HUWE1: variants seen among roughly 807,000 people sequenced by gnomAD.
HUWE1 encodes the protein HECT, UBA and WWE domain containing E3 ubiquitin protein ligase 1.
A neutral mutation model predicts 299.4 loss-of-function variants in HUWE1; 18 were observed. The ratio of observed to expected loss-of-function variants is 0.06; its 90% CI spans 0.04 to 0.09. HUWE1 has a LOEUF of 0.09. Among genes scored for constraint, HUWE1 ranks in the 10% least tolerant of loss-of-function variants. HUWE1 has a pLI of 1.00. For missense variants in HUWE1, 1,832 were observed against 3,462.3 expected, an observed-to-expected ratio of 0.53 and a Z score of 11.82; for synonymous variants, 1,317 against 1,286.1, an observed-to-expected ratio of 1.02 and a Z score of -0.51.
Position 53,607,704 on chromosome X carries a change from G to A in HUWE1, c.2320-5C>T. 3.2e-5 allele frequency: 38 copies of A among 1,177,867 alleles called. No homozygotes were observed. Among genetic ancestry groups the A allele is most frequent in the Non-Finnish European group, 4.4e-5 (38 of 867,652 alleles). On this transcript the variant is annotated splice_region_variant and splice_polypyrimidine_tract_variant and intron_variant, in intron 24 of 83. Transcript: ENST00000262854. ...AATAGATTCCACAAATTTCATCTAG[G>A]TAATAAAAATTTTTTAAAGAAGTTA...
At chrX:53,545,225 ATCTC>A in intron 70 of HUWE1, 64 bp from the exon 71 acceptor site, 2 of 1,096,562 alleles carry the variant, frequency 1.8e-6, no homozygotes, top group African/African-American at 3.6e-5. Flanking sequence ...TAAAAGCCAA[ATCTC>A]TCTAAGACAC....
chrX:53,596,841 G>C (rs1275013286), intron 29 of HUWE1, among the ~76,000 whole-genome samples: 1 of 112,430 alleles, frequency 8.9e-6, no homozygotes, highest in Non-Finnish European at 1.9e-5. Flanking sequence ...TGAATTATTT[G>C]ATATGGATTG....
Position 53,549,328 on chromosome X carries a change from G to A in HUWE1, c.9666C>T (p.Val3222=). The stretch of plus-strand genomic sequence containing the variant: ...GCAAGATGGAGAGCAGACTGCGGAT[G>A]ACCCAGTGGCGGGTCTGGGCATGGT... ...LCYHAQTRHW[V]IRSLLSILQR... Residue 3222 remains valine (V), a synonymous_variant, in exon 67 of 84, where the codon GTC becomes GTT. Coordinates refer to ENST00000262854, the MANE Select transcript of HUWE1 (RefSeq NM_031407.7). 8.3e-7 allele frequency: 1 copy of A among 1,211,993 alleles called. No homozygotes were observed. The highest frequency in any genetic ancestry group is 1.1e-6 in the Non-Finnish European group (1 of 895,431).
intron 49 of HUWE1, among the ~76,000 whole-genome samples, chrX:53,566,412 T>C (rs1480439485): frequency 1.9e-5 from 2 of 107,387 alleles, no homozygotes; most frequent in Non-Finnish European, 3.8e-5. Flanking sequence ...AGCAACATAG[T>C]GAGATCCTGT....
At position 53,585,172 on chromosome X, in the gene HUWE1, C is replaced by A; in HGVS notation, c.4841G>T (p.Ser1614Ile). Residue 1614 changes from serine (S) to isoleucine (I), a missense_variant, in exon 40 of 84, where the codon AGC becomes ATC. Ser to Ile is a moderately radical substitution (Grantham distance 142, BLOSUM62 -2). Around this residue, in one of 15 missense-constraint regions of HUWE1, gnomAD observed 658 missense variants for 1,282.6 expected, o/e 0.51. Transcript: ENST00000262854. ...AQMTKYLQSN[S>I]NNWRWFDDRS... ...ATCATCAAACCAGCGCCAGTTGTTGCTGTTGGATTGCAGGTACTAAACATA... is the reference window on the plus strand; with the variant it reads ...ATCATCAAACCAGCGCCAGTTGTTGATGTTGGATTGCAGGTACTAAACATA... 8 of 1,211,886 alleles carry A rather than the reference C, an allele frequency of 6.6e-6. No homozygotes were observed. Among genetic ancestry groups the A allele is most frequent in the South Asian group, 1.8e-5 (1 of 57,018 alleles).
intron 55 of HUWE1, among the ~76,000 whole-genome samples, chrX:53,561,338 T>C (rs1172303490): frequency 1.8e-5 from 2 of 112,178 alleles, no homozygotes; most frequent in African/African-American, 6.5e-5. Context: ...ATAGAGTGAG[T>C]ATGTTCAAAT....
chrX:53,551,529 T>C, intron 63 of HUWE1, 49 bp from the exon 64 acceptor site: 1 of 1,072,390 alleles, frequency 9.3e-7, no homozygotes. Flanking sequence ...ATTAATTGCT[T>C]GAGACGGGGT....
At chrX:53,680,001 C>T (rs1158831694) in intron 3 of HUWE1, 48 bp downstream of exon 3, 2 of 295,086 alleles carry the variant, frequency 6.8e-6, no homozygotes, top group African/African-American at 5.5e-5. Flanking sequence ...TATCTCCATT[C>T]CAGGAAGTAA....
At position 53,554,698 on chromosome X, in the gene HUWE1, C is replaced by A. The variant is rs1354604374; in HGVS notation, c.8429G>T (p.Gly2810Val). The part of the protein sequence containing the change: ...LLMPVEPEEL[G>V]PTRPSGEAET... Reference sequence around the variant, plus strand: ...TGCTTCCCCACTTGGCCTTGTGGGACCCAATTCCTCTGGCTCTACAGGCAT... The same window carrying A: ...TGCTTCCCCACTTGGCCTTGTGGGAACCAATTCCTCTGGCTCTACAGGCAT... Residue 2810 changes from glycine (G) to valine (V), a missense_variant, in exon 61 of 84, where the codon GGT (glycine) becomes GTT (valine). Coordinates refer to ENST00000262854, the MANE Select transcript of HUWE1 (RefSeq NM_031407.7). 10 of 1,208,997 alleles carry A rather than the reference C, an allele frequency of 8.3e-6. No homozygotes were observed. Among genetic ancestry groups the A allele is most frequent in the Non-Finnish European group, 1.1e-5 (10 of 894,768 alleles).
At position 53,552,607 on chromosome X, in the gene HUWE1, T is replaced by G. The variant is rs201400423; in HGVS notation, c.8750+31A>C. The stretch of plus-strand genomic sequence containing the variant: ...GTGCTTTGAAAGACCCTCCAATATA[T>G]CCTACCCTTCTTTTGCCCACACATG... On this transcript the variant is annotated intron_variant, in intron 62 of 83. Coordinates refer to ENST00000262854, the MANE Select transcript of HUWE1 (RefSeq NM_031407.7). The G allele has an allele frequency of 7.9e-5, 96 of 1,210,153 alleles. No individual in the cohort carries two copies. The African/African-American group carries it at 1.5e-3, about 18-fold the overall frequency.
chrX:53,567,953 A>G (rs2062646738), intron 49 of HUWE1, among the ~76,000 whole-genome samples: 1 of 112,180 alleles, frequency 8.9e-6, no homozygotes, highest in Non-Finnish European at 1.9e-5. Context: ...AGAAAATATC[A>G]GGAAGTAAAG....
intron 6 of HUWE1, among the ~76,000 whole-genome samples, chrX:53,645,702 G>T (rs2067931549): frequency 2.6e-5 from 2 of 76,360 alleles, no homozygotes; most frequent in African/African-American, 5.2e-5. Flanking sequence ...AACAGAGGGA[G>T]ACTCTGTCTC....
At chrX:53,584,418 T>G in intron 40 of HUWE1, 73 bp from the exon 41 acceptor site, 10 of 867,386 alleles carry the variant, frequency 1.2e-5, no homozygotes, top group Non-Finnish European at 8.3e-6. Context: ...GGGAGGGACA[T>G]CTCCCAGGTA....
At chrX:53,599,840 A>G (rs1556988526) in intron 29 of HUWE1, among the ~76,000 whole-genome samples, 1 of 112,133 alleles carries the variant, frequency 8.9e-6, no homozygotes, top group Non-Finnish European at 1.9e-5. Context: ...TGGAAGGAGC[A>G]GCAACAATAT....
intron 32 of HUWE1, among the ~76,000 whole-genome samples, chrX:53,592,941 C>CCA (rs1253946055): frequency 9.0e-6 from 1 of 111,446 alleles, no homozygotes; most frequent in Non-Finnish European, 1.9e-5. Context: ...TTAGTGTGTA[C>CCA]CACCCCCTCC....
intron 2 of HUWE1, among the ~76,000 whole-genome samples, chrX:53,681,368 A>C (rs781938895): frequency 7.7e-5 from 8 of 104,405 alleles, no homozygotes; most frequent in African/African-American, 2.5e-4. Flanking sequence ...CAGGAGGCGG[A>C]GGTTGCAGTG....
chrX:53,610,673 G>C (rs782052505), intron 23 of HUWE1, among the ~76,000 whole-genome samples: 1 of 111,792 alleles, frequency 8.9e-6, no homozygotes, highest in Admixed American at 9.4e-5. Flanking sequence ...GGGATGGTCA[G>C]GTGCTTCCTC....
chrX:53,584,670 G>A (rs1251261638), intron 40 of HUWE1, among the ~76,000 whole-genome samples: 1 of 111,463 alleles, frequency 9.0e-6, no homozygotes, highest in African/African-American at 3.3e-5. Context: ...ATGACCTTAG[G>A]AAGACTCGAT....
chrX:53,547,418 C>T (rs1401905257), intron 68 of HUWE1, among the ~76,000 whole-genome samples: 1 of 111,601 alleles, frequency 9.0e-6, no homozygotes. Flanking sequence ...TGAATGCCTG[C>T]TGACCTTCAA....
Sources: allele counts gnomAD v4.1 joint callset (sites outside exome capture counted in the v4.1 genomes callset), GRCh38; gene constraint gnomAD v4.1.1; regional missense constraint gnomAD v4.1.1; transcripts MANE v1.5; gene names NCBI Gene and HGNC (gene_info 2026-07-23, HGNC 2026-07-21).